The following HACD1 variants were observed in gnomAD, a reference collection of about 807,000 sequenced individuals.
The protein encoded by HACD1 is 3-hydroxyacyl-CoA dehydratase 1.
A neutral mutation model predicts 32.0 loss-of-function variants in HACD1; 41 were observed. That is an observed-to-expected ratio of 1.28 (90% CI 1.00 to 1.66). The LOEUF is 1.66. Ranked by LOEUF, HACD1 falls within the 40% of genes most tolerant of loss-of-function variation. The pLI is 0.00. For synonymous variants in HACD1, 142 were observed against 139.0 expected (o/e 1.02, Z -0.15); for missense variants, 396 against 380.1 (o/e 1.04, Z -0.35).
At chr10:17,616,808 C>T (rs1554818115) in intron 1 of HACD1, among the ~76,000 whole-genome samples, 1 of 152,156 alleles carries the variant, frequency 6.6e-6, no homozygotes, top group South Asian at 2.1e-4. Context: ...AGCCACCTCC[C>T]CCGCGGGCCG....
chr10:17,612,042 G>A (rs1000146070), intron 1 of HACD1, among the ~76,000 whole-genome samples: 1 of 145,152 alleles, frequency 6.9e-6, no homozygotes, highest in Admixed American at 7.1e-5. Context: ...TGAGGCTAAT[G>A]CAGGAAGTCA....
chr10:17,610,542 G>A (rs570678086), intron 1 of HACD1, among the ~76,000 whole-genome samples: 4 of 151,966 alleles, frequency 2.6e-5, no homozygotes, highest in African/African-American at 9.7e-5. Flanking sequence ...CCAGCTACTC[G>A]GGAGGCTGAG....
In HACD1 at chr10:17,590,279, A is replaced by G; in HGVS notation, c.*85T>C. 1.0e-6 allele frequency: 1 copy of G among 975,274 alleles called. No homozygotes were observed. The highest frequency in any genetic ancestry group is 1.5e-6 in the Non-Finnish European group (1 of 646,626). The allele number at this position is 975,274 out of a possible 1,614,324, so 60.4% of individuals were successfully genotyped here. On this transcript the variant is annotated 3_prime_UTR_variant, in exon 7 of 7. Coordinates refer to ENST00000361271, the MANE Select transcript of HACD1 (RefSeq NM_014241.4). ...GAAACCATACAATCCATGATATTTC[A>G]CAAAGTTGTTTATTCTTGTTATTAA...
intron 6 of HACD1, 87 bp from the exon 7 acceptor site, chr10:17,590,533 G>A (rs1193575068): frequency 1.9e-5 from 18 of 932,576 alleles, no homozygotes; most frequent in Non-Finnish European, 2.9e-5. Context: ...CAATGTTAGA[G>A]AGTAAATACA....
chr10:17,612,884 T>C (rs1361750614), intron 1 of HACD1, among the ~76,000 whole-genome samples: 6 of 148,086 alleles, frequency 4.1e-5, no homozygotes, highest in African/African-American at 1.5e-4. Context: ...ATCTCCCCAC[T>C]GCACTCCAGC....
chr10:17,599,473 C>T (rs889401279), intron 4 of HACD1, 62 bp from the exon 5 acceptor site: 1 of 1,538,192 alleles, frequency 6.5e-7, no homozygotes, highest in East Asian at 2.3e-5. Flanking sequence ...AGTGAAGGTA[C>T]TTACTTTACT....
chr10:17,594,586 T>C (rs1833970849), intron 5 of HACD1, among the ~76,000 whole-genome samples: 1 of 152,208 alleles, frequency 6.6e-6, no homozygotes, highest in Admixed American at 6.5e-5. Flanking sequence ...CCAGTTTCCA[T>C]AATAGGCAAT....
chr10:17,614,722 AG>A (rs1833047369), intron 1 of HACD1, among the ~76,000 whole-genome samples: 3 of 104 alleles, frequency 0.029, no homozygotes, highest in Non-Finnish European at 0.075. Context: ...AGAAAAAAAA[AG>A]GAAATAACAA....
At chr10:17,605,820 G>A (rs1554817001) in intron 1 of HACD1, among the ~76,000 whole-genome samples, 4 of 151,824 alleles carry the variant, frequency 2.6e-5, no homozygotes, top group Admixed American at 6.6e-5. Context: ...CGGGTGTGCC[G>A]GTGGGCACCT....
At chr10:17,617,021 A>AC in intron 1 of HACD1, 62 bp downstream of exon 1, 2 of 1,336,688 alleles carry the variant, frequency 1.5e-6, no homozygotes, top group Non-Finnish European at 1.9e-6. Flanking sequence ...CGCCCCCTGA[A>AC]CCCGGAACCT....
intron 1 of HACD1, among the ~76,000 whole-genome samples, chr10:17,609,001 C>T (rs1280081233): frequency 5.9e-5 from 9 of 151,954 alleles, no homozygotes; most frequent in Admixed American, 1.3e-4. Flanking sequence ...TTGAAAGGCA[C>T]TGTTAAGAGA....
chr10:17,595,020 G>A (rs959471763), intron 5 of HACD1, among the ~76,000 whole-genome samples: 6 of 151,806 alleles, frequency 4.0e-5, no homozygotes, highest in South Asian at 2.1e-4. Flanking sequence ...CACCACGCCC[G>A]GTTAATTTTT....
chr10:17,600,835 G>A (rs1486344594), intron 4 of HACD1, among the ~76,000 whole-genome samples: 1 of 152,096 alleles, frequency 6.6e-6, no homozygotes, highest in East Asian at 1.9e-4. Context: ...CACTTAACAC[G>A]TATATGATTA....
intron 4 of HACD1, among the ~76,000 whole-genome samples, chr10:17,601,997 A>T (rs782235274): frequency 1.6e-4 from 24 of 152,048 alleles, no homozygotes; most frequent in Non-Finnish European, 3.2e-4. Flanking sequence ...TCTGTCCTCG[A>T]GTAGACAGGA....
At chr10:17,611,860 G>A (rs987591597) in intron 1 of HACD1, among the ~76,000 whole-genome samples, 2 of 151,924 alleles carry the variant, frequency 1.3e-5, no homozygotes, top group African/African-American at 2.4e-5. Flanking sequence ...CCAGCTACTC[G>A]GGAGGCTGAG....
intron 5 of HACD1, among the ~76,000 whole-genome samples, chr10:17,598,208 C>T (rs1340735716): frequency 2.2e-5 from 3 of 138,002 alleles, no homozygotes; most frequent in Non-Finnish European, 4.5e-5. Context: ...TGAAGTGAGC[C>T]GAGATCGTGC....
chr10:17,598,229 C>A, intron 5 of HACD1, among the ~76,000 whole-genome samples: 1 of 135,708 alleles, frequency 7.4e-6, no homozygotes, highest in East Asian at 2.2e-4. Context: ...CACTATCCTC[C>A]AGCCTGGGTG....
At chr10:17,611,144 G>T (rs1389453852) in intron 1 of HACD1, among the ~76,000 whole-genome samples, 1 of 151,910 alleles carries the variant, frequency 6.6e-6, no homozygotes, top group Admixed American at 6.6e-5. Flanking sequence ...GGGACTACAG[G>T]TGCACGCCAC....
chr10:17,611,555 C>G (rs1554817502), intron 1 of HACD1, among the ~76,000 whole-genome samples: 1 of 152,160 alleles, frequency 6.6e-6, no homozygotes, highest in Non-Finnish European at 1.5e-5. Flanking sequence ...AGGACAGGGC[C>G]TAAAGTATTT....
Sources: allele counts gnomAD v4.1 joint callset (sites outside exome capture counted in the v4.1 genomes callset), GRCh38; gene constraint gnomAD v4.1.1; transcripts MANE v1.5; gene names NCBI Gene and HGNC (gene_info 2026-07-23, HGNC 2026-07-21).